Variants in LHPP observed in about 807,000 individuals in gnomAD.
LHPP encodes phospholysine phosphohistidine inorganic pyrophosphate phosphatase.
Under a neutral mutation model 30.3 loss-of-function variants are expected in LHPP, and 24 were observed. The ratio of observed to expected loss-of-function variants is 0.79; its 90% CI spans 0.57 to 1.11. The LOEUF is 1.11. Ranked by LOEUF, LHPP falls within the 50% of genes most tolerant of loss-of-function variation. The pLI is 0.00. For synonymous variants in LHPP, 150 were observed against 157.1 expected (o/e 0.95, Z 0.34); for missense variants, 356 against 367.2 (o/e 0.97, Z 0.25).
intron 6 of LHPP, among the ~76,000 whole-genome samples, chr10:124,528,711 C>T (rs1312908151): frequency 6.6e-6 from 1 of 152,192 alleles, no homozygotes; most frequent in Non-Finnish European, 1.5e-5. Flanking sequence ...GGGAGGAGGC[C>T]CAACCCTGTC....
At chr10:124,477,741 C>T (rs966768007) in intron 1 of LHPP, among the ~76,000 whole-genome samples, 3 of 152,196 alleles carry the variant, frequency 2.0e-5, no homozygotes, top group African/African-American at 7.2e-5. Flanking sequence ...CAGTCTCGGC[C>T]CCTGTGAATG....
chr10:124,481,496 C>G (rs1953134524), intron 1 of LHPP, among the ~76,000 whole-genome samples: 1 of 151,034 alleles, frequency 6.6e-6, no homozygotes, highest in Admixed American at 6.6e-5. Flanking sequence ...TCTACCTCAG[C>G]CTCCCGAGTA....
intron 6 of LHPP, among the ~76,000 whole-genome samples, chr10:124,545,031 A>G (rs74160923): frequency 0.077 from 11,744 of 152,000 alleles, 613 homozygotes; most frequent in African/African-American, 0.14. Flanking sequence ...GGGTGCTTTG[A>G]GCTGAGTGAA....
chr10:124,595,817 G>A (rs1948934880), intron 6 of LHPP, among the ~76,000 whole-genome samples: 1 of 152,174 alleles, frequency 6.6e-6, no homozygotes, highest in African/African-American at 2.4e-5. Flanking sequence ...ATCTGTCTGA[G>A]GCTTAACTTG....
At chr10:124,606,112 C>T (rs908232497) in intron 6 of LHPP, among the ~76,000 whole-genome samples, 5 of 152,164 alleles carry the variant, frequency 3.3e-5, no homozygotes, top group African/African-American at 4.8e-5. Context: ...AAATGCAGCC[C>T]GAGGGAGGCT....
rs969245786 is a variant in LHPP at position 124,541,270 on chromosome 10, C to T, written c.716+23999C>T. 2.6e-5 allele frequency among the ~76,000 whole-genome samples: 4 copies of T among 152,208 alleles called. No homozygotes were observed. The highest frequency in any genetic ancestry group is 2.0e-4 in the Admixed American group (3 of 15,286). On this transcript the variant is annotated intron_variant, in intron 6 of 6. Transcript: ENST00000368842. The surrounding 1 kb of genome is among the most constrained non-coding windows in gnomAD (Gnocchi z 4.2). ...AGCCGACACGACCAGCCTGCAGTAC[C>T]AGGATAGACAATTTGGGCTGGAGCC...
chr10:124,462,021 G>A (rs1952412845), intron 1 of LHPP, 34 bp downstream of exon 1: 1 of 1,199,332 alleles, frequency 8.3e-7, no homozygotes, highest in African/African-American at 1.6e-5. Flanking sequence ...TGGGGCCGCC[G>A]AGCTCTAAGC....
intron 6 of LHPP, among the ~76,000 whole-genome samples, chr10:124,551,459 G>A (rs1017623753): frequency 6.2e-4 from 95 of 152,298 alleles, no homozygotes; most frequent in African/African-American, 2.2e-3. Context: ...TCTGCAGGGT[G>A]GGGGCGGGGG....
intron 5 of LHPP, among the ~76,000 whole-genome samples, chr10:124,516,972 C>G (rs996863236): frequency 2.0e-5 from 3 of 152,122 alleles, no homozygotes; most frequent in African/African-American, 7.2e-5. Flanking sequence ...ATATACTGTT[C>G]AAAGCTGTGG....
chr10:124,513,680 T>A (rs1271519916), intron 5 of LHPP, among the ~76,000 whole-genome samples: 3 of 151,256 alleles, frequency 2.0e-5, no homozygotes, highest in Non-Finnish European at 4.4e-5. Context: ...GGTCTCGAAC[T>A]CCTGACCTCA....
chr10:124,484,670 C>CAG (rs5788664), intron 2 of LHPP, among the ~76,000 whole-genome samples: 1,751 of 144,242 alleles, frequency 0.012, 29 homozygotes, highest in African/African-American at 0.035. Flanking sequence ...GAGAAAGAGA[C>CAG]AGAGAGAGAG....
Position 124,555,349 on chromosome 10 carries a change from G to A in LHPP, c.716+38078G>A, listed in dbSNP as rs186981329. ...TGGGAGACCCTAGAGTGAGATGGGGGCTCTACAAGGCACAGCTCCTCCCTG... is the reference window on the plus strand; with the variant it reads ...TGGGAGACCCTAGAGTGAGATGGGGACTCTACAAGGCACAGCTCCTCCCTG... On this transcript the variant is annotated intron_variant, in intron 6 of 6. Transcript: ENST00000368842. 2.0e-4 allele frequency among the ~76,000 whole-genome samples: 30 copies of A among 152,316 alleles called. No homozygotes were observed. The East Asian group carries it at 3.5e-3, about 18-fold the overall frequency.
intron 4 of LHPP, among the ~76,000 whole-genome samples, 162 bp downstream of exon 4, chr10:124,497,186 C>CA: frequency 6.6e-6 from 1 of 150,826 alleles, no homozygotes; most frequent in Middle Eastern, 3.6e-3. Context: ...GCCGGGCCCT[C>CA]GGGCCCTCAG....
intron 6 of LHPP, among the ~76,000 whole-genome samples, chr10:124,566,298 G>A (rs1948489870): frequency 6.6e-6 from 1 of 152,198 alleles, no homozygotes; most frequent in Admixed American, 6.5e-5. Context: ...CTTTCAGGAG[G>A]GGTTGTCCTT....
intron 6 of LHPP, chr10:124,554,162 AG>A (rs1162795975): frequency 3.3e-5 from 18 of 543,630 alleles, no homozygotes; most frequent in Non-Finnish European, 4.2e-5. Flanking sequence ...CCTAAGACTC[AG>A]TTTATTATGT....
intron 6 of LHPP, among the ~76,000 whole-genome samples, chr10:124,548,088 G>A (rs1388470073): frequency 6.6e-6 from 1 of 152,172 alleles, no homozygotes; most frequent in African/African-American, 2.4e-5. Context: ...GGGAGGTAAA[G>A]GGGAGCCTTT....
chr10:124,558,754 C>T (rs1948344589), intron 6 of LHPP, among the ~76,000 whole-genome samples: 1 of 152,210 alleles, frequency 6.6e-6, no homozygotes, highest in Non-Finnish European at 1.5e-5. Flanking sequence ...TCTTTACAGT[C>T]CCAGTGTCAA....
Position 124,537,261 on chromosome 10 carries a change from T to A in LHPP, c.716+19990T>A, listed in dbSNP as rs532225093. On this transcript the variant is annotated intron_variant, in intron 6 of 6. Coordinates refer to ENST00000368842, the MANE Select transcript of LHPP (RefSeq NM_022126.4). Reference sequence around the variant, plus strand: ...GCCACCGTCCAGCTACCTCGAGAGATCCTGGGAGCATGGTGATTGTGGGGT... The same window carrying A: ...GCCACCGTCCAGCTACCTCGAGAGAACCTGGGAGCATGGTGATTGTGGGGT... Among the ~76,000 whole-genome samples the A allele has an allele frequency of 1.4e-3, 210 of 152,254 alleles. 1 individual carries two copies. The highest frequency in any genetic ancestry group is 3.7e-3 in the Admixed American group (56 of 15,290).
chr10:124,581,420 G>C (rs1367021077), intron 6 of LHPP, among the ~76,000 whole-genome samples: 1 of 152,218 alleles, frequency 6.6e-6, no homozygotes, highest in Non-Finnish European at 1.5e-5. Flanking sequence ...ATATGCCTAA[G>C]GAGTGGAATT....
Sources: allele counts gnomAD v4.1 joint callset (sites outside exome capture counted in the v4.1 genomes callset), GRCh38; gene constraint gnomAD v4.1.1; non-coding constraint Gnocchi (gnomAD v3.1); transcripts MANE v1.5; gene names NCBI Gene and HGNC (gene_info 2026-07-23, HGNC 2026-07-21).